RFLNA: variants seen among roughly 807,000 people sequenced by gnomAD.
RFLNA encodes the protein refilin A, also known as refilin-A.
Under a neutral mutation model 7.8 loss-of-function variants are expected in RFLNA, and 5 were observed. The observed-to-expected ratio is 0.64, with a 90% confidence interval of 0.34 to 1.35. The LOEUF (loss-of-function observed/expected upper bound fraction) is 1.35. Ranked by LOEUF, RFLNA falls within the 40% of genes most tolerant of loss-of-function variation. The pLI is 0.04. For missense variants in RFLNA, 278 were observed against 305.5 expected, an observed-to-expected ratio of 0.91 and a Z score of 0.67; for synonymous variants, 141 against 131.3, an observed-to-expected ratio of 1.07 and a Z score of -0.50.
chr12:124,290,686 G>A (rs1324758725), upstream of RFLNA, among the ~76,000 whole-genome samples: 3 of 152,334 alleles, frequency 2.0e-5, no homozygotes, highest in South Asian at 2.1e-4. The surrounding 1 kb of genome is among the most constrained non-coding windows in gnomAD (Gnocchi z 4.0). Context: ...GAGGCATGAG[G>A]TGTGGTGATG....
rs548734808 is a variant in RFLNA, at chr12:124,313,915, G to A, written c.318-277G>A. On this transcript the variant is annotated intron_variant, in intron 2 of 2. Coordinates refer to ENST00000546355, the MANE Select transcript of RFLNA (RefSeq NM_001365156.1). ...ACGACACGGCTCAGTTTCACCCATC[G>A]TCCCGATAAGGTCCTTTCCTGGCTT... Among the ~76,000 whole-genome samples, 26 of 152,254 alleles carry A rather than the reference G, an allele frequency of 1.7e-4. No individual in the cohort carries two copies. The East Asian group carries it at 4.4e-3, about 26-fold the overall frequency.
chr12:124,296,379 G>C (rs951077405), intron 1 of RFLNA, among the ~76,000 whole-genome samples: 1 of 150,444 alleles, frequency 6.6e-6, no homozygotes, highest in Non-Finnish European at 1.5e-5. Flanking sequence ...CCAGCTTGGC[G>C]CCTTGCCTGA....
chr12:124,311,109 G>A (rs1381890187), intron 1 of RFLNA, among the ~76,000 whole-genome samples: 1 of 152,154 alleles, frequency 6.6e-6, no homozygotes, highest in Non-Finnish European at 1.5e-5. Context: ...TCACGGTGGG[G>A]GCTGTCTCCA....
At chr12:124,312,692 G>C (rs975671852) in intron 2 of RFLNA, among the ~76,000 whole-genome samples, 9 of 152,170 alleles carry the variant, frequency 5.9e-5, no homozygotes, top group African/African-American at 2.2e-4. Context: ...AAGCATTAGG[G>C]GACAGTTGTC....
chr12:124,312,549 G>A (rs565728780), intron 2 of RFLNA, among the ~76,000 whole-genome samples: 49 of 152,208 alleles, frequency 3.2e-4, no homozygotes, highest in Non-Finnish European at 4.3e-4. Context: ...GGGCTCAAGT[G>A]ATCCTCCTGC....
At chr12:124,295,784 T>G in intron 1 of RFLNA, 148 bp downstream of exon 1, 2 of 856,100 alleles carry the variant, frequency 2.3e-6, no homozygotes, top group Non-Finnish European at 3.1e-6. Flanking sequence ...ACAGCCACGC[T>G]TCTCAGGTGG....
chr12:124,305,513 G>C (rs2034122530), intron 1 of RFLNA, among the ~76,000 whole-genome samples: 1 of 152,256 alleles, frequency 6.6e-6, no homozygotes, highest in South Asian at 2.1e-4. Context: ...CTGGAGGTCA[G>C]GAGTCCCAGA....
chr12:124,310,254 C>T (rs1007724622), intron 1 of RFLNA, among the ~76,000 whole-genome samples: 4 of 144,950 alleles, frequency 2.8e-5, no homozygotes, highest in South Asian at 4.5e-4. Context: ...CTTCAAGATG[C>T]TCACTTTGCT....
chr12:124,304,529 C>G (rs536689955), intron 1 of RFLNA, among the ~76,000 whole-genome samples: 38 of 152,354 alleles, frequency 2.5e-4, no homozygotes, highest in Non-Finnish European at 4.9e-4. Flanking sequence ...TCGGCGCCCA[C>G]GTTCCAGGTG....
At chr12:124,310,671 A>G (rs2034228767) in intron 1 of RFLNA, among the ~76,000 whole-genome samples, 1 of 151,936 alleles carries the variant, frequency 6.6e-6, no homozygotes, top group African/African-American at 2.4e-5. Context: ...GGGCAGGGGC[A>G]TGCCCCTGAT....
At position 124,306,277 on chromosome 12, in the gene RFLNA, G is replaced by T. The variant is rs1395777325; in HGVS notation, c.208-5541G>T. Among the ~76,000 whole-genome samples the T allele has an allele frequency of 6.6e-6, 1 of 152,152 alleles. No individual in the cohort carries two copies. The highest frequency in any genetic ancestry group is 1.5e-5 in the Non-Finnish European group (1 of 68,008). ...TTATCGCGATGAAGGCCAGTAGATG[G>T]GTGCTCCCGTGTCCCCACAGAGGAT... On this transcript the variant is annotated intron_variant, in intron 1 of 2. Coordinates refer to ENST00000546355, the MANE Select transcript of RFLNA (RefSeq NM_001365156.1). This position sits in a 1 kb window ranked among gnomAD's most constrained non-coding sequence, Gnocchi z 5.2.
At chr12:124,301,638 C>T (rs2135680068) in intron 1 of RFLNA, among the ~76,000 whole-genome samples, 1 of 152,212 alleles carries the variant, frequency 6.6e-6, no homozygotes, top group East Asian at 1.9e-4. Flanking sequence ...CTGGGTTCGC[C>T]ATTTTTTTGT....
At chr12:124,308,091 C>T (rs2135688441) in intron 1 of RFLNA, among the ~76,000 whole-genome samples, 1 of 152,072 alleles carries the variant, frequency 6.6e-6, no homozygotes, top group Non-Finnish European at 1.5e-5. Context: ...GAGCGATCCT[C>T]CTGCCTCAGC....
At chr12:124,296,126 C>T (rs11057568) in intron 1 of RFLNA, among the ~76,000 whole-genome samples, 447 of 1,350 alleles carry the variant, frequency 0.33, 100 homozygotes, top group Middle Eastern at 0.83. Context: ...CTTTCTTTCT[C>T]TCTCTCTCTC....
chr12:124,311,548 A>G (rs191420961), intron 1 of RFLNA, among the ~76,000 whole-genome samples: 101 of 152,330 alleles, frequency 6.6e-4, no homozygotes, highest in Admixed American at 6.5e-3. Flanking sequence ...GTGAGAGGCC[A>G]TGACCACACC....
upstream of RFLNA, among the ~76,000 whole-genome samples, chr12:124,294,422 G>T (rs1434448516): frequency 1.3e-5 from 2 of 152,178 alleles, no homozygotes; most frequent in South Asian, 4.1e-4. Context: ...GACATCCTTT[G>T]CCAGGCATCT....
chr12:124,300,855 G>A (rs978530874), intron 1 of RFLNA, among the ~76,000 whole-genome samples: 4 of 150,800 alleles, frequency 2.7e-5, no homozygotes, highest in African/African-American at 9.8e-5. Flanking sequence ...CAGAAGAATG[G>A]GTGGATGGAT....
At chr12:124,303,286 G>A (rs2034077952) in intron 1 of RFLNA, among the ~76,000 whole-genome samples, 1 of 152,202 alleles carries the variant, frequency 6.6e-6, no homozygotes, top group Non-Finnish European at 1.5e-5. Context: ...GAGCCCCTGT[G>A]TACTTTGACT....
At chr12:124,308,381 C>T (rs1005903507) in intron 1 of RFLNA, among the ~76,000 whole-genome samples, 1 of 152,216 alleles carries the variant, frequency 6.6e-6, no homozygotes, top group Admixed American at 6.5e-5. Context: ...TCTGCAAAGG[C>T]TCTATTCCAA....
Sources: allele counts gnomAD v4.1 joint callset (sites outside exome capture counted in the v4.1 genomes callset), GRCh38; gene constraint gnomAD v4.1.1; non-coding constraint Gnocchi (gnomAD v3.1); transcripts MANE v1.5; gene names NCBI Gene and HGNC (gene_info 2026-07-23, HGNC 2026-07-21).